Variants in ZNF610 observed in about 807,000 individuals in gnomAD.
The protein encoded by ZNF610 is zink finger protein.
A neutral mutation model predicts 14.1 loss-of-function variants in ZNF610; 14 were observed. The observed-to-expected ratio is 0.99, with a 90% confidence interval of 0.65 to 1.55. ZNF610 has a LOEUF of 1.55. Among genes scored for constraint, ZNF610 ranks in the 40% most tolerant of loss-of-function variants. The pLI is 0.00. For missense variants in ZNF610, 530 were observed against 558.0 expected, an observed-to-expected ratio of 0.95 and a Z score of 0.51; for synonymous variants, 185 against 187.6, an observed-to-expected ratio of 0.99 and a Z score of 0.11.
chr19:52,331,772 T>A (rs959586692), upstream of ZNF610, among the ~76,000 whole-genome samples: 4 of 152,216 alleles, frequency 2.6e-5, no homozygotes, highest in Non-Finnish European at 5.9e-5. Flanking sequence ...TTTCTCGCTC[T>A]CTCTTTTGCC....
At chr19:52,333,828 T>C (rs1390689137), upstream of ZNF610, among the ~76,000 whole-genome samples, 1 of 152,228 alleles carries the variant, frequency 6.6e-6, no homozygotes, top group Admixed American at 6.5e-5. Flanking sequence ...AGTGAAAAAC[T>C]TATGCATGAA....
At position 52,349,220 on chromosome 19, in the gene ZNF610, G is replaced by A. The variant is rs1365568656; in HGVS notation, c.48G>A (p.Gly16=). 1 of 1,613,378 alleles carries A rather than the reference G, an allele frequency of 6.2e-7. No homozygotes were observed. Among genetic ancestry groups the A allele is most frequent in the Admixed American group, 1.7e-5 (1 of 59,978 alleles). The change falls in exon 3 of 6, where the codon GGG becomes GGA. Residue 16 remains glycine (G), a synonymous_variant. Coordinates refer to ENST00000403906, the MANE Select transcript of ZNF610 (RefSeq NM_001161425.2). ...AGAAGAGGAAAGCAAAGGAGTCAGG[G>A]ATGGCTCTTCCTCAGGTAAAGTGAT... ...EAQKRKAKES[G]MALPQGRLTF...
At chr19:52,362,468 G>T (rs1985830722) in intron 5 of ZNF610, among the ~76,000 whole-genome samples, 1 of 152,162 alleles carries the variant, frequency 6.6e-6, no homozygotes, top group Non-Finnish European at 1.5e-5. Context: ...TGCCTGTGCT[G>T]GTCTGCAACT....
chr19:52,366,572 A>C lies in ZNF610; in HGVS notation c.1194A>C (p.Lys398Asn). 6.2e-7 allele frequency: 1 copy of C among 1,614,218 alleles called. No homozygotes were observed. Among genetic ancestry groups the C allele is most frequent in the Non-Finnish European group, 8.5e-7 (1 of 1,180,036 alleles). Residue 398 changes from lysine to asparagine, a missense_variant, in exon 6 of 6, where the codon AAA becomes AAC. Lys to Asn is a moderately conservative substitution (Grantham distance 94). Coordinates refer to ENST00000403906, the MANE Select transcript of ZNF610 (RefSeq NM_001161425.2). ...MAHLLIHTGE[K>N]PYKCNECDKV... The stretch of plus-strand genomic sequence containing the variant: ...ATCTTCTAATCCATACTGGAGAGAA[A>C]CCTTACAAATGTAATGAATGTGACA...
At chr19:52,340,126 C>T (rs1458000271) in intron 1 of ZNF610, among the ~76,000 whole-genome samples, 2 of 152,184 alleles carry the variant, frequency 1.3e-5, no homozygotes, top group East Asian at 1.9e-4. Flanking sequence ...ACGGGCCAGA[C>T]GCGTTGGCTT....
rs1985027995 is a variant in ZNF610, at chr19:52,347,701, T to C, written c.-257-6T>C. 6.6e-6 allele frequency: 1 copy of C among 152,184 alleles called. No homozygotes were observed. The highest frequency in any genetic ancestry group is 1.5e-5 in the Non-Finnish European group (1 of 68,036). 9.4% of individuals were successfully genotyped at this position (152,184 alleles called of 1,614,324 possible). ...CTTGACTTATTTCTTGTATTTTTTT[T>C]TGTAGACACAGGAGTGTTGCCATGT... On this transcript the variant is annotated splice_polypyrimidine_tract_variant and splice_region_variant and intron_variant, in intron 1 of 5. Coordinates refer to ENST00000403906, the MANE Select transcript of ZNF610 (RefSeq NM_001161425.2).
chr19:52,362,483 G>A (rs912758468), intron 5 of ZNF610, among the ~76,000 whole-genome samples: 5 of 152,174 alleles, frequency 3.3e-5, no homozygotes, highest in African/African-American at 7.2e-5. Flanking sequence ...GCAACTCCTG[G>A]CTTGAAGTAC....
intron 5 of ZNF610, among the ~76,000 whole-genome samples, chr19:52,357,601 T>C (rs111260040): frequency 0.019 from 2,313 of 123,928 alleles, 44 homozygotes; most frequent in African/African-American, 0.063. Flanking sequence ...GCGGAGATGG[T>C]GCCACTGCAC....
At chr19:52,349,431 C>T (rs188379862) in intron 3 of ZNF610, among the ~76,000 whole-genome samples, 196 bp downstream of exon 3, 115 of 152,164 alleles carry the variant, frequency 7.6e-4, no homozygotes, top group Non-Finnish European at 1.3e-3. Context: ...GAAGGGCTCA[C>T]ACCCAGACAT....
At chr19:52,340,050 G>A (rs572617442) in intron 1 of ZNF610, among the ~76,000 whole-genome samples, 1 of 152,326 alleles carries the variant, frequency 6.6e-6, no homozygotes, top group Admixed American at 6.5e-5. Flanking sequence ...TCTCCAAGTA[G>A]ACAGTAGCAA....
chr19:52,338,318 T>C (rs936913749), intron 1 of ZNF610, among the ~76,000 whole-genome samples: 1 of 152,186 alleles, frequency 6.6e-6, no homozygotes, highest in African/African-American at 2.4e-5. Context: ...CACCCATTTG[T>C]TACAAACCAT....
chr19:52,349,134 A>T lies in ZNF610; in HGVS notation c.-19-20A>T. On this transcript the variant is annotated intron_variant, in intron 2 of 5. Coordinates refer to ENST00000403906, the MANE Select transcript of ZNF610 (RefSeq NM_001161425.2). The stretch of plus-strand genomic sequence containing the variant: ...AATGTGTTGATTCCGAGCAGTAATC[A>T]GTGTATTTTTGACATTTAGGATTGA... 1 of 1,571,402 alleles carries T rather than the reference A, an allele frequency of 6.4e-7. No homozygotes were observed. Among genetic ancestry groups the T allele is most frequent in the Non-Finnish European group, 8.8e-7 (1 of 1,142,378 alleles).
chr19:52,362,423 T>G (rs1985828627), intron 5 of ZNF610, among the ~76,000 whole-genome samples: 1 of 152,128 alleles, frequency 6.6e-6, no homozygotes, highest in Admixed American at 6.6e-5. Context: ...AATAAATAAA[T>G]ACATAAATTT....
rs146017943 is a variant in ZNF610 at position 52,363,328 on chromosome 19, G to A, written c.320-2370G>A. Among the ~76,000 whole-genome samples the A allele has an allele frequency of 1.0e-3, 159 of 152,050 alleles. 1 individual carries two copies. The highest frequency in any genetic ancestry group is 3.4e-3 in the African/African-American group (143 of 41,496). The stretch of plus-strand genomic sequence containing the variant: ...TAGTTTTAGTAGAGATGGGGGTTTC[G>A]CCATGTTGGCCAGGCTGGTATCAAA... On this transcript the variant is annotated intron_variant, in intron 5 of 5. Coordinates refer to ENST00000403906, the MANE Select transcript of ZNF610 (RefSeq NM_001161425.2).
At chr19:52,343,366 A>G (rs1210491453) in intron 1 of ZNF610, among the ~76,000 whole-genome samples, 1 of 151,942 alleles carries the variant, frequency 6.6e-6, no homozygotes, top group Non-Finnish European at 1.5e-5. Context: ...CACGCCCTGC[A>G]CTCCAGCCTG....
At chr19:52,338,912 A>ACGGAGGACCCG (rs1555800682) in intron 1 of ZNF610, among the ~76,000 whole-genome samples, 2,364 of 139,134 alleles carry the variant, frequency 0.017, 73 homozygotes, top group African/African-American at 0.061. Flanking sequence ...CGCTCAGCAT[A>ACGGAGGACCCG]CGGAGGACCC....
rs183359167 is a variant in ZNF610, at chr19:52,342,562, C to A, written c.-257-5145C>A. Among the ~76,000 whole-genome samples, 112 of 150,932 alleles carry A rather than the reference C, an allele frequency of 7.4e-4. 1 individual carries two copies. The highest frequency in any genetic ancestry group is 8.3e-4 in the Non-Finnish European group (56 of 67,840). On this transcript the variant is annotated intron_variant, in intron 1 of 5. Transcript: ENST00000403906. The stretch of plus-strand genomic sequence containing the variant: ...TGAGACGGAGTCTTACTCTGTCACC[C>A]GGGCTGGAGTGTAGTGGCGCAATCT...
intron 5 of ZNF610, among the ~76,000 whole-genome samples, chr19:52,363,925 A>G (rs1467298898): frequency 6.6e-6 from 1 of 151,864 alleles, no homozygotes; most frequent in East Asian, 1.9e-4. Context: ...TTTGTCCTTC[A>G]TTTTTCCCTT....
upstream of ZNF610, among the ~76,000 whole-genome samples, chr19:52,331,728 G>A (rs532108996): frequency 1.8e-4 from 27 of 152,182 alleles, no homozygotes; most frequent in South Asian, 8.3e-4. Context: ...TGAACCAAAC[G>A]GCTGACTGAC....
Sources: allele counts gnomAD v4.1 joint callset (sites outside exome capture counted in the v4.1 genomes callset), GRCh38; gene constraint gnomAD v4.1.1; transcripts MANE v1.5; gene names NCBI Gene and HGNC (gene_info 2026-07-23, HGNC 2026-07-21).